The following NXN variants were observed in gnomAD, a reference collection of about 807,000 sequenced individuals.
The protein encoded by NXN is nucleoredoxin 1.
Under a neutral mutation model 48.6 loss-of-function variants are expected in NXN, and 16 were observed. That is an observed-to-expected ratio of 0.33 (90% CI 0.22 to 0.50). The LOEUF is 0.50. Ranked by LOEUF, NXN falls within the 20% of genes least tolerant of loss-of-function variation. NXN has a pLI of 0.98. For synonymous variants in NXN, 281 were observed against 269.6 expected, an observed-to-expected ratio of 1.04 and a Z score of -0.41; for missense variants, 492 against 605.5, an observed-to-expected ratio of 0.81 and a Z score of 1.97.
At position 917,803 on chromosome 17, in the gene NXN, G is replaced by A. The variant is rs1229984337; in HGVS notation, c.360+61516C>T. On this transcript the variant is annotated intron_variant, in intron 1 of 7. Coordinates refer to ENST00000336868, the MANE Select transcript of NXN (RefSeq NM_022463.5). This position sits in a 1 kb window ranked among gnomAD's most constrained non-coding sequence, Gnocchi z 4.5. ...CCCCAGGAAGGCCTCGCAGAGGTGG[G>A]GACAAGGGCGGATGGGAAAGGGGAT... 1.3e-5 allele frequency among the ~76,000 whole-genome samples: 2 copies of A among 152,168 alleles called. No homozygotes were observed. Among genetic ancestry groups the A allele is most frequent in the Non-Finnish European group, 2.9e-5 (2 of 68,044 alleles).
intron 1 of NXN, among the ~76,000 whole-genome samples, chr17:845,659 G>C (rs1362948297): frequency 1.3e-5 from 2 of 152,264 alleles, no homozygotes; most frequent in African/African-American, 4.8e-5. Context: ...CAATCAGCTG[G>C]ATGCTGATGT....
At chr17:827,536 T>C (rs893443560) in intron 1 of NXN, among the ~76,000 whole-genome samples, 1 of 152,150 alleles carries the variant, frequency 6.6e-6, no homozygotes, top group African/African-American at 2.4e-5. Flanking sequence ...GGCAGGAGAA[T>C]GGCGTGAACC....
intron 1 of NXN, among the ~76,000 whole-genome samples, chr17:883,475 T>C (rs900489790): frequency 6.6e-6 from 1 of 151,850 alleles, no homozygotes; most frequent in East Asian, 2.0e-4. Flanking sequence ...CCCGCCTACA[T>C]CACCTCCATG....
At chr17:845,748 G>A (rs1350702175) in intron 1 of NXN, among the ~76,000 whole-genome samples, 3 of 152,226 alleles carry the variant, frequency 2.0e-5, no homozygotes, top group African/African-American at 7.2e-5. Flanking sequence ...TCACACATTT[G>A]TCATGGTTCC....
chr17:863,920 A>G, intron 1 of NXN: 1 of 1,486,402 alleles, frequency 6.7e-7, no homozygotes, highest in African/African-American at 1.4e-5. Context: ...TCAGGCTCAT[A>G]CAGTGTGTTC....
intron 1 of NXN, among the ~76,000 whole-genome samples, chr17:902,622 A>C (rs2068547548): frequency 6.6e-6 from 1 of 152,062 alleles, no homozygotes; most frequent in African/African-American, 2.4e-5. Flanking sequence ...CCTGTTTACG[A>C]AGGAGACGTG....
In NXN at chr17:956,901, C is replaced by G. The variant is rs2069176891; in HGVS notation, c.360+22418G>C. On this transcript the variant is annotated intron_variant, in intron 1 of 7. Coordinates refer to ENST00000336868, the MANE Select transcript of NXN (RefSeq NM_022463.5). This position sits in a 1 kb window ranked among gnomAD's most constrained non-coding sequence, Gnocchi z 4.1. ...CAGGAGAGAGGCTGGCCCCTCCGTT[C>G]TCAGAGCTCCTGCGGGCAACTCCAG... Among the ~76,000 whole-genome samples, 6 of 152,340 alleles carry G rather than the reference C, an allele frequency of 3.9e-5. No homozygotes were observed. In the South Asian group the frequency reaches 1.2e-3, roughly 32 times the overall value.
At position 947,229 on chromosome 17, in the gene NXN, G is replaced by A. The variant is rs373836801; in HGVS notation, c.360+32090C>T. On this transcript the variant is annotated intron_variant, in intron 1 of 7. Coordinates refer to ENST00000336868, the MANE Select transcript of NXN (RefSeq NM_022463.5). ...AACCGTCACAGGAATCATCCTCAGG[G>A]CCTTCGAGGTCACAAGCGTGACGGG... Among the ~76,000 whole-genome samples, 38 of 152,262 alleles carry A rather than the reference G, an allele frequency of 2.5e-4. 1 individual carries two copies. In the East Asian group the frequency reaches 5.6e-3, roughly 22 times the overall value.
chr17:961,252 G>C (rs1253753411), intron 1 of NXN, among the ~76,000 whole-genome samples: 3 of 152,052 alleles, frequency 2.0e-5, no homozygotes, highest in Non-Finnish European at 4.4e-5. Flanking sequence ...AAATTAGCCG[G>C]GTGTGGTGGC....
intron 1 of NXN, among the ~76,000 whole-genome samples, chr17:833,831 A>G (rs565079896): frequency 2.0e-4 from 31 of 152,148 alleles, no homozygotes; most frequent in Admixed American, 7.9e-4. Flanking sequence ...CATTCCTCCA[A>G]TGTAGTCAGG....
rs571977275 is a variant in NXN, at chr17:915,833, C to G, written c.360+63486G>C. Among the ~76,000 whole-genome samples, 7 of 149,836 alleles carry G rather than the reference C, an allele frequency of 4.7e-5. 1 individual carries two copies. In the South Asian group the frequency reaches 1.5e-3, roughly 31 times the overall value. ...GGGCGGCCACTTATGGTGTCAGAGC[C>G]GAAACTTCCCCTAAAATGGGCGGCC... is the stretch of plus-strand genomic sequence containing the variant. On this transcript the variant is annotated intron_variant, in intron 1 of 7. Transcript: ENST00000336868.
chr17:918,453 A>G (rs2068712715), intron 1 of NXN, among the ~76,000 whole-genome samples: 1 of 151,928 alleles, frequency 6.6e-6, no homozygotes, highest in Non-Finnish European at 1.5e-5. Flanking sequence ...CGAGTCAATC[A>G]CTCACTTTCA....
intron 1 of NXN, among the ~76,000 whole-genome samples, chr17:890,765 A>G (rs657243): frequency 0.95 from 145,052 of 152,138 alleles, 69,298 homozygotes; most frequent in African/African-American, 0.99. Flanking sequence ...GGGTGGAGGA[A>G]GTAATTTACG....
intron 1 of NXN, among the ~76,000 whole-genome samples, chr17:828,329 C>G (rs1320695034): frequency 6.6e-6 from 1 of 151,138 alleles, no homozygotes; most frequent in Non-Finnish European, 1.5e-5. Flanking sequence ...GTCTCGAACT[C>G]CTGACCTCAG....
At chr17:859,967 G>A (rs976955668) in intron 1 of NXN, among the ~76,000 whole-genome samples, 1 of 152,128 alleles carries the variant, frequency 6.6e-6, no homozygotes. Flanking sequence ...TAAGCATCAA[G>A]CAAAGGGCCC....
intron 6 of NXN, among the ~76,000 whole-genome samples, chr17:804,439 C>G (rs147767679): frequency 2.8e-4 from 42 of 152,200 alleles, no homozygotes; most frequent in African/African-American, 1.0e-3. Flanking sequence ...TGAGCCACCA[C>G]ACCCAGGCTC....
In NXN at chr17:825,901, G is replaced by C; in HGVS notation, c.478+60C>G. 1 of 1,075,656 alleles carries C rather than the reference G, an allele frequency of 9.3e-7. No individual in the cohort carries two copies. Among genetic ancestry groups the C allele is most frequent in the South Asian group, 1.4e-5 (1 of 70,854 alleles). 66.6% of individuals were successfully genotyped at this position (1,075,656 alleles called of 1,614,324 possible). On this transcript the variant is annotated intron_variant, in intron 2 of 7. Coordinates refer to ENST00000336868, the MANE Select transcript of NXN (RefSeq NM_022463.5). This position sits in a 1 kb window ranked among gnomAD's most constrained non-coding sequence, Gnocchi z 4.1. ...ACCGGTGGGACGGAGATTAGCCTAA[G>C]GGCATGGAGGAGGGAGGGCTGGGTA...
rs1185640462 is a variant in NXN, at chr17:821,644, G to A, written c.713+713C>T. Among the ~76,000 whole-genome samples, 7 of 77,592 alleles carry A rather than the reference G, an allele frequency of 9.0e-5. 3 individuals are homozygous for A. The highest frequency in any genetic ancestry group is 4.7e-4 in the African/African-American group (6 of 12,798). The allele number at this position is 77,592 out of a possible 152,430, so 50.9% of individuals were successfully genotyped here. A position where few individuals can be genotyped will look rare whatever the true frequency, so the allele number is the denominator to read the frequency against. On this transcript the variant is annotated intron_variant, in intron 4 of 7. Transcript: ENST00000336868. ...TGGGCGCCTGTAGTCCCAGCTATTC[G>A]AGAGGCTGAGGCAGGAGAATGGCGT...
At chr17:943,303 G>T (rs1267954467) in intron 1 of NXN, among the ~76,000 whole-genome samples, 2 of 152,088 alleles carry the variant, frequency 1.3e-5, no homozygotes, top group Non-Finnish European at 2.9e-5. Context: ...AACTACCCAG[G>T]TTCGAGGACC....
Sources: gnomAD v4.1 joint callset for allele counts (sites outside exome capture counted in the v4.1 genomes callset) on GRCh38, gnomAD v4.1.1 for gene constraint, Gnocchi (gnomAD v3.1) non-coding constraint, MANE v1.5 for transcripts, NCBI Gene and HGNC (gene_info 2026-07-23, HGNC 2026-07-21) for gene names.